Variants in BCHE observed in about 807,000 individuals in gnomAD.
BCHE encodes cholinesterase.
BCHE carries 48 observed loss-of-function variants against 51.3 expected under a neutral mutation model. The ratio of observed to expected loss-of-function variants is 0.94; its 90% CI spans 0.74 to 1.19. The LOEUF is 1.19. Among genes scored for constraint, BCHE ranks in the 50% most tolerant of loss-of-function variants. The pLI is 0.00. For missense variants in BCHE, 847 were observed against 708.2 expected (o/e 1.20, Z -2.23); for synonymous variants, 251 against 238.0 (o/e 1.05, Z -0.50).
At chr3:165,775,220 C>T (rs1465314117) in intron 3 of BCHE, among the ~76,000 whole-genome samples, 1 of 151,892 alleles carries the variant, frequency 6.6e-6, no homozygotes, top group Admixed American at 6.6e-5. Context: ...TTTTTGCAGA[C>T]ATTACAATAT....
Position 165,830,456 on chromosome 3 carries a change from T to C in BCHE, c.578A>G (p.Asn193Ser), listed in dbSNP as rs1302548753. ...ALPGNPEAPGNMGLFDQQLAL... is the reference protein window; with the variant it reads ...ALPGNPEAPGSMGLFDQQLAL... The stretch of plus-strand genomic sequence containing the variant: ...CAACTGTTGATCAAATAAACCCATG[T>C]TCCCTGGAGCCTCAGGATTTCCTGG... Residue 193 changes from asparagine to serine, a missense_variant, in exon 2 of 4, where the codon AAC (asparagine) becomes AGC (serine). Coordinates refer to ENST00000264381, the MANE Select transcript of BCHE (RefSeq NM_000055.4). 5.0e-6 allele frequency: 8 copies of C among 1,613,736 alleles called. No homozygotes were observed. In the East Asian group the frequency reaches 6.7e-5, roughly 13 times the overall value.
chr3:165,800,226 T>TAA (rs1168163958), intron 2 of BCHE, among the ~76,000 whole-genome samples: 1 of 152,100 alleles, frequency 6.6e-6, no homozygotes, highest in African/African-American at 2.4e-5. Context: ...CATTCAGTGT[T>TAA]TTATTCTCTT....
At chr3:165,776,840 A>G (rs1371664643) in intron 3 of BCHE, among the ~76,000 whole-genome samples, 1 of 151,808 alleles carries the variant, frequency 6.6e-6, no homozygotes, top group African/African-American at 2.4e-5. Context: ...TTCATACTAC[A>G]ATGATCATAC....
intron 2 of BCHE, among the ~76,000 whole-genome samples, chr3:165,793,955 G>A (rs113397530): frequency 0.011 from 1,740 of 152,088 alleles, 38 homozygotes; most frequent in African/African-American, 0.04. Context: ...GCTGAGGCAG[G>A]AGAATTGCTT....
intron 2 of BCHE, among the ~76,000 whole-genome samples, chr3:165,799,896 C>T (rs1389729241): frequency 6.6e-6 from 1 of 151,814 alleles, no homozygotes; most frequent in Non-Finnish European, 1.5e-5. Context: ...CATATTTTTC[C>T]ACAATTCTTT....
intron 2 of BCHE, chr3:165,827,859 T>C: frequency 3.3e-6 from 1 of 300,780 alleles, no homozygotes; most frequent in Non-Finnish European, 6.5e-6. Context: ...AATAAAATAT[T>C]TTACAGCTAC....
intron 2 of BCHE, among the ~76,000 whole-genome samples, chr3:165,800,915 G>A (rs1353159966): frequency 6.6e-6 from 1 of 152,104 alleles, no homozygotes; most frequent in African/African-American, 2.4e-5. Context: ...ATTAATTTAT[G>A]TAGTAATATC....
intron 2 of BCHE, among the ~76,000 whole-genome samples, chr3:165,789,795 TAAG>T (rs1312883169): frequency 6.6e-6 from 1 of 152,140 alleles, no homozygotes; most frequent in Admixed American, 6.6e-5. Flanking sequence ...AGAAGGGCTA[TAAG>T]AAGACCTAAA....
intron 3 of BCHE, among the ~76,000 whole-genome samples, chr3:165,779,761 GA>G (rs1429401368): frequency 6.6e-6 from 1 of 151,998 alleles, no homozygotes; most frequent in East Asian, 1.9e-4. Context: ...AATGAACTAA[GA>G]GTACATAAAC....
intron 2 of BCHE, among the ~76,000 whole-genome samples, chr3:165,816,393 C>T (rs1267580628): frequency 1.3e-5 from 2 of 151,912 alleles, no homozygotes; most frequent in Non-Finnish European, 2.9e-5. Context: ...TTGCAATATT[C>T]CCCATGAAAA....
chr3:165,772,968 T>C lies in BCHE; in HGVS notation c.*414A>G, dbSNP rs1242920296. 6.5e-6 allele frequency: 1 copy of C among 153,292 alleles called. No homozygotes were observed. Among genetic ancestry groups the C allele is most frequent in the Non-Finnish European group, 1.5e-5 (1 of 68,862 alleles). The allele number at this position is 153,292 out of a possible 1,614,324, so 9.5% of individuals were successfully genotyped here. A position where few individuals can be genotyped will look rare whatever the true frequency, so the allele number is the denominator to read the frequency against. On this transcript the variant is annotated 3_prime_UTR_variant, in exon 4 of 4. Transcript: ENST00000264381. The stretch of plus-strand genomic sequence containing the variant: ...CAATTCTTATTTTAATTAGGAAACA[T>C]AATATTGTAAACTATGGTGTACAGT...
intron 2 of BCHE, among the ~76,000 whole-genome samples, chr3:165,808,594 A>AT (rs1428829432): frequency 6.6e-6 from 1 of 152,140 alleles, no homozygotes; most frequent in Non-Finnish European, 1.5e-5. Flanking sequence ...TATAAACATG[A>AT]TAAATAAATA....
intron 2 of BCHE, among the ~76,000 whole-genome samples, chr3:165,822,692 A>C (rs1440173787): frequency 6.6e-6 from 1 of 152,034 alleles, no homozygotes; most frequent in Non-Finnish European, 1.5e-5. Context: ...CCAAGGGAGG[A>C]TATTGTAAAG....
At chr3:165,820,561 T>G (rs971736515) in intron 2 of BCHE, among the ~76,000 whole-genome samples, 1 of 152,012 alleles carries the variant, frequency 6.6e-6, no homozygotes, top group Non-Finnish European at 1.5e-5. Flanking sequence ...CTGATTCTTT[T>G]TTAAAGTCAT....
intron 2 of BCHE, among the ~76,000 whole-genome samples, chr3:165,819,610 C>G (rs1383183057): frequency 6.6e-6 from 1 of 151,968 alleles, no homozygotes; most frequent in African/African-American, 2.4e-5. Flanking sequence ...AATCAACATA[C>G]TTATTTATTT....
chr3:165,788,824 T>C (rs1270574290), intron 2 of BCHE, among the ~76,000 whole-genome samples: 1 of 152,166 alleles, frequency 6.6e-6, no homozygotes, highest in African/African-American at 2.4e-5. Context: ...ACATACCAAA[T>C]TGTAATTTAG....
chr3:165,796,827 A>G (rs1713397553), intron 2 of BCHE, among the ~76,000 whole-genome samples: 1 of 152,124 alleles, frequency 6.6e-6, no homozygotes, highest in Non-Finnish European at 1.5e-5. Flanking sequence ...TTTGTATTGC[A>G]CATCTTCAGT....
chr3:165,812,828 G>T lies in BCHE; in HGVS notation c.1517+16689C>A, dbSNP rs375760794. Among the ~76,000 whole-genome samples the T allele has an allele frequency of 6.6e-5, 10 of 151,876 alleles. No homozygotes were observed. The South Asian group carries it at 2.1e-3, about 32-fold the overall frequency. ...GTATTGGAGAGGTGCTTCCTTAAAT[G>T]CCCCCTCAGATATGAAAGTATAGTC... On this transcript the variant is annotated intron_variant, in intron 2 of 3. Coordinates refer to ENST00000264381, the MANE Select transcript of BCHE (RefSeq NM_000055.4).
At chr3:165,818,106 G>T (rs1037317030) in intron 2 of BCHE, among the ~76,000 whole-genome samples, 7 of 151,946 alleles carry the variant, frequency 4.6e-5, no homozygotes, top group African/African-American at 1.7e-4. Flanking sequence ...GAAGCATCTT[G>T]TTTTATTAAA....
Sources: allele counts gnomAD v4.1 joint callset (sites outside exome capture counted in the v4.1 genomes callset), GRCh38; gene constraint gnomAD v4.1.1; transcripts MANE v1.5; gene names NCBI Gene and HGNC (gene_info 2026-07-23, HGNC 2026-07-21).